Variants in ASAP1 observed in about 807,000 individuals in gnomAD.
ASAP1 encodes the protein ArfGAP with SH3 domain, ankyrin repeat and PH domain 1.
ASAP1 carries 43 observed loss-of-function variants against 145.2 expected under a neutral mutation model. The ratio of observed to expected loss-of-function variants is 0.30; its 90% CI spans 0.23 to 0.38. The LOEUF (loss-of-function observed/expected upper bound fraction) is 0.38. Among genes scored for constraint, ASAP1 ranks in the 10% least tolerant of loss-of-function variants. The probability of loss-of-function intolerance (pLI) is 1.00; values close to 1 mark genes in which losing one functional copy is unlikely to be tolerated. For missense variants in ASAP1, 1,018 were observed against 1,355.3 expected, an observed-to-expected ratio of 0.75 and a Z score of 3.91; for synonymous variants, 546 against 515.5, an observed-to-expected ratio of 1.06 and a Z score of -0.80.
intron 27 of ASAP1, among the ~76,000 whole-genome samples, chr8:130,072,438 C>T (rs374505834): frequency 6.3e-4 from 96 of 152,208 alleles, no homozygotes; most frequent in African/African-American, 1.8e-3. Context: ...TTTTCTCTTG[C>T]CTGCTGCCAT....
intron 16 of ASAP1, 107 bp downstream of exon 16, chr8:130,127,820 G>C: frequency 8.0e-7 from 1 of 1,245,694 alleles, no homozygotes; most frequent in Non-Finnish European, 1.1e-6. Flanking sequence ...GTGTGTGTAT[G>C]TGAGTGTGTC....
chr8:130,084,552 A>G (rs2097488521), intron 25 of ASAP1: 1 of 152,192 alleles, frequency 6.6e-6, no homozygotes, highest in Non-Finnish European at 1.5e-5. Context: ...GTGGAAAGAG[A>G]GGGGGCATTG....
At chr8:130,438,912 C>T (rs1830403232) in intron 1 of ASAP1, among the ~76,000 whole-genome samples, 1 of 152,158 alleles carries the variant, frequency 6.6e-6, no homozygotes, top group African/African-American at 2.4e-5. Flanking sequence ...ACCCTTCTTT[C>T]CCAGGCTGCA....
intron 3 of ASAP1, among the ~76,000 whole-genome samples, chr8:130,265,205 G>A (rs1488127402): frequency 2.0e-5 from 3 of 152,118 alleles, no homozygotes; most frequent in Non-Finnish European, 4.4e-5. Flanking sequence ...AATGTTTCTA[G>A]AAGTGAATGA....
Position 130,180,878 on chromosome 8 carries a change from G to C in ASAP1, c.533C>G (p.Thr178Arg). Residue 178 changes from threonine (T) to arginine (R), a missense_variant and splice_region_variant, in exon 8 of 30, where the codon ACA becomes AGA. Physicochemically the swap from Thr to Arg is moderately conservative, Grantham distance 71. This residue lies in a region of ASAP1 where 78 missense variants were observed against 161.0 expected (regional missense o/e 0.48). Transcript: ENST00000518721. The part of the protein sequence containing the change: ...KAWKDYETKF[T>R]KIEKEKREHA... Reference sequence around the variant, plus strand: ...CTCTCTTTTCTCTTTCTCAATTTTTGTACTGTAATTAAAGCCAATGTCATT... The same window carrying C: ...CTCTCTTTTCTCTTTCTCAATTTTTCTACTGTAATTAAAGCCAATGTCATT... 1 of 1,601,894 alleles carries C rather than the reference G, an allele frequency of 6.2e-7. No homozygotes were observed. Among genetic ancestry groups the C allele is most frequent in the Non-Finnish European group, 8.5e-7 (1 of 1,176,578 alleles).
chr8:130,072,832 G>GCGCGCGCGCGCGCA, intron 27 of ASAP1, among the ~76,000 whole-genome samples: 1 of 11,760 alleles, frequency 8.5e-5, no homozygotes, highest in African/African-American at 4.0e-4. Flanking sequence ...TGTGCGCGCG[G>GCGCGCGCGCGCGCA]GGGGGGGCAG....
intron 2 of ASAP1, among the ~76,000 whole-genome samples, chr8:130,361,962 C>T (rs1002621090): frequency 6.6e-6 from 1 of 152,146 alleles, no homozygotes; most frequent in African/African-American, 2.4e-5. Context: ...CTGTTCAGCA[C>T]TCTTGTCCTC....
intron 3 of ASAP1, among the ~76,000 whole-genome samples, chr8:130,313,788 C>T (rs375196484): frequency 1.3e-5 from 2 of 152,334 alleles, no homozygotes; most frequent in African/African-American, 4.8e-5. Context: ...TGACTTTATA[C>T]TATCAGTTCT....
chr8:130,383,123 C>A (rs1427444278), intron 2 of ASAP1, among the ~76,000 whole-genome samples: 1 of 152,140 alleles, frequency 6.6e-6, no homozygotes, highest in Non-Finnish European at 1.5e-5. Flanking sequence ...AGGCTCTATT[C>A]GATCTTCTGC....
rs1253748122 is a variant in ASAP1 at position 130,169,142 on chromosome 8, A to T, written c.747-75T>A. On this transcript the variant is annotated intron_variant, in intron 9 of 29. Transcript: ENST00000518721. Reference sequence around the variant, plus strand: ...TATTTGTTTCCTTATGTGGAAATAAAAAAAGGAACTATAATAACCTACAAA... The same window carrying T: ...TATTTGTTTCCTTATGTGGAAATAATAAAAGGAACTATAATAACCTACAAA... 1.1e-5 allele frequency: 10 copies of T among 905,536 alleles called. No homozygotes were observed. In the East Asian group the frequency reaches 2.5e-4, roughly 22 times the overall value. 56.1% of individuals were successfully genotyped at this position (905,536 alleles called of 1,614,324 possible).
intron 4 of ASAP1, among the ~76,000 whole-genome samples, chr8:130,215,422 A>AC (rs1342251899): frequency 6.6e-6 from 1 of 151,884 alleles, no homozygotes; most frequent in East Asian, 1.9e-4. Context: ...ACATGGCGAG[A>AC]CCCCGTCTCT....
chr8:130,412,269 G>A (rs1829299836), intron 1 of ASAP1, among the ~76,000 whole-genome samples: 1 of 152,172 alleles, frequency 6.6e-6, no homozygotes, highest in South Asian at 2.1e-4. Context: ...GTGGGGCCTG[G>A]TGGGAGGTAA....
chr8:130,394,601 G>A lies in ASAP1; in HGVS notation c.59+7284C>T, dbSNP rs550799098. Reference sequence around the variant, plus strand: ...GATCTCTGTGACCCACACCCTATTCGTACACTCCCTCCCCTTTTGAAAATC... The same window carrying A: ...GATCTCTGTGACCCACACCCTATTCATACACTCCCTCCCCTTTTGAAAATC... On this transcript the variant is annotated intron_variant, in intron 2 of 29. Transcript: ENST00000518721. Among the ~76,000 whole-genome samples, 30 of 152,080 alleles carry A rather than the reference G, an allele frequency of 2.0e-4. No homozygotes were observed. In the South Asian group the frequency reaches 3.3e-3, roughly 17 times the overall value.
chr8:130,358,222 G>C lies in ASAP1; in HGVS notation c.60-79C>G. Reference sequence around the variant, plus strand: ...CTCCCGGGGCCGCGGGCCGCCCGGAGGCTCATGAACCCCGGCGCGCAGCCC... The same window carrying C: ...CTCCCGGGGCCGCGGGCCGCCCGGACGCTCATGAACCCCGGCGCGCAGCCC... On this transcript the variant is annotated intron_variant, in intron 2 of 29. Transcript: ENST00000518721. The surrounding 1 kb of genome is among the most constrained non-coding windows in gnomAD (Gnocchi z 4.1). 2 of 1,330,870 alleles carry C rather than the reference G, an allele frequency of 1.5e-6. No individual in the cohort carries two copies. Among genetic ancestry groups the C allele is most frequent in the South Asian group, 2.8e-5 (2 of 71,672 alleles). 82.4% of individuals were successfully genotyped at this position (1,330,870 alleles called of 1,614,324 possible). A position where few individuals can be genotyped will look rare whatever the true frequency, so the allele number is the denominator to read the frequency against.
At chr8:130,369,841 T>G (rs1295229984) in intron 2 of ASAP1, among the ~76,000 whole-genome samples, 1 of 152,214 alleles carries the variant, frequency 6.6e-6, no homozygotes, top group Non-Finnish European at 1.5e-5. Context: ...CCAAGTGTTA[T>G]CATCTGACCC....
intron 4 of ASAP1, among the ~76,000 whole-genome samples, chr8:130,235,187 T>C (rs1261473912): frequency 6.6e-6 from 1 of 152,180 alleles, no homozygotes; most frequent in Non-Finnish European, 1.5e-5. Flanking sequence ...CAAAGGGGTG[T>C]GTAGTAGTCT....
At position 130,123,595 on chromosome 8, in the gene ASAP1, C is replaced by T. The variant is rs13275897; in HGVS notation, c.1607+418G>A. 2.9e-3 allele frequency among the ~76,000 whole-genome samples: 445 copies of T among 152,206 alleles called. 2 individuals are homozygous for T. The highest frequency in any genetic ancestry group is 7.8e-3 in the Admixed American group (119 of 15,290). On this transcript the variant is annotated intron_variant, in intron 18 of 29. Transcript: ENST00000518721. ...AATGGGGTTTGCTCTGGAAAACAAACAAACAAACAAACAAACACTGTAAAA... is the reference window on the plus strand; with the variant it reads ...AATGGGGTTTGCTCTGGAAAACAAATAAACAAACAAACAAACACTGTAAAA...
chr8:130,280,432 C>A (rs1055339467), intron 3 of ASAP1, among the ~76,000 whole-genome samples: 1 of 152,242 alleles, frequency 6.6e-6, no homozygotes, highest in African/African-American at 2.4e-5. Flanking sequence ...ACAACTAGTC[C>A]TCACAAATCA....
At chr8:130,370,947 CA>C (rs1173644681) in intron 2 of ASAP1, among the ~76,000 whole-genome samples, 19 of 152,056 alleles carry the variant, frequency 1.2e-4, no homozygotes, top group Admixed American at 1.2e-3. Flanking sequence ...TGAGGAGTGA[CA>C]AAAATGTTCT....
Sources: allele counts gnomAD v4.1 joint callset (sites outside exome capture counted in the v4.1 genomes callset), GRCh38; gene constraint gnomAD v4.1.1; regional missense constraint gnomAD v4.1.1; non-coding constraint Gnocchi (gnomAD v3.1); transcripts MANE v1.5; gene names NCBI Gene and HGNC (gene_info 2026-07-23, HGNC 2026-07-21).